The following SGCD variants were observed in gnomAD, a reference collection of about 807,000 sequenced individuals.
The protein encoded by SGCD is sarcoglycan delta, also known as delta-sarcoglycan.
In SGCD, 18 loss-of-function variants were observed where a neutral mutation model predicts 36.6. The ratio of observed to expected loss-of-function variants is 0.49; its 90% CI spans 0.34 to 0.73. SGCD has a LOEUF of 0.73. Ranked by LOEUF, SGCD falls within the 30% of genes least tolerant of loss-of-function variation. The pLI is 0.01. For missense variants in SGCD, 387 were observed against 346.7 expected (o/e 1.12, Z -0.92); for synonymous variants, 133 against 130.6 (o/e 1.02, Z -0.12).
At chr5:155,905,279 A>G (rs186086481) in intron 1 of SGCD, among the ~76,000 whole-genome samples, 8 of 152,316 alleles carry the variant, frequency 5.3e-5, no homozygotes, top group Admixed American at 3.3e-4. Flanking sequence ...AAAAGTCATG[A>G]TAGGGAGAGA....
intron 1 of SGCD, among the ~76,000 whole-genome samples, chr5:155,947,348 GT>G (rs148620197): frequency 0.1 from 13,370 of 129,730 alleles, 2,003 homozygotes; most frequent in African/African-American, 0.34. Flanking sequence ...TAATGTTTTG[GT>G]TTTTTTTTTA....
At chr5:156,508,778 G>T (rs1447030809) in intron 4 of SGCD, 76 bp downstream of exon 4, 19 of 850,690 alleles carry the variant, frequency 2.2e-5, no homozygotes, top group Non-Finnish European at 3.2e-5. Flanking sequence ...CTTGCTATCA[G>T]CTGAGTACAG....
chr5:156,148,119 ATGTG>A (rs1237530965), intron 3 of SGCD, among the ~76,000 whole-genome samples: 7 of 152,214 alleles, frequency 4.6e-5, no homozygotes, highest in Non-Finnish European at 7.3e-5. Context: ...TGAAAAAAGA[ATGTG>A]TGTCTTCCTT....
intron 3 of SGCD, among the ~76,000 whole-genome samples, chr5:156,211,225 GGAGA>G (rs903129506): frequency 2.9e-4 from 44 of 152,100 alleles, no homozygotes; most frequent in African/African-American, 9.6e-4. Context: ...TAGAAATGAA[GGAGA>G]GAGAAAGTCT....
intron 3 of SGCD, among the ~76,000 whole-genome samples, chr5:156,192,025 C>G (rs2127632892): frequency 6.6e-6 from 1 of 152,262 alleles, no homozygotes; most frequent in South Asian, 2.1e-4. Context: ...TGAGAAGAAA[C>G]TTTGGAATGA....
intron 3 of SGCD, among the ~76,000 whole-genome samples, chr5:156,135,497 A>T (rs1242269953): frequency 6.6e-6 from 1 of 152,108 alleles, no homozygotes; most frequent in African/African-American, 2.4e-5. Flanking sequence ...TCCTTCCAAC[A>T]CATCACTCCA....
At chr5:156,126,661 T>C (rs1762179028) in intron 3 of SGCD, among the ~76,000 whole-genome samples, 1 of 152,214 alleles carries the variant, frequency 6.6e-6, no homozygotes, top group Non-Finnish European at 1.5e-5. Context: ...GCTCCTGTGC[T>C]CTGGTGCATG....
intron 1 of SGCD, among the ~76,000 whole-genome samples, chr5:156,083,569 A>G (rs1381427580): frequency 6.7e-6 from 1 of 149,914 alleles, no homozygotes; most frequent in East Asian, 2.0e-4. Context: ...TGCTGGAATT[A>G]CAGGTATGAG....
chr5:156,212,544 AAC>A (rs1184611999), intron 3 of SGCD, among the ~76,000 whole-genome samples: 2 of 152,176 alleles, frequency 1.3e-5, no homozygotes, highest in Non-Finnish European at 2.9e-5. Flanking sequence ...GCAATACAAC[AAC>A]AGTAGAGGAC....
chr5:156,263,658 T>G (rs1765926497), intron 3 of SGCD, among the ~76,000 whole-genome samples: 1 of 152,164 alleles, frequency 6.6e-6, no homozygotes, highest in Non-Finnish European at 1.5e-5. Flanking sequence ...GGTAATGAAG[T>G]CTTTGCCTAA....
At chr5:156,706,886 C>T (rs904222806) in intron 7 of SGCD, among the ~76,000 whole-genome samples, 2 of 152,090 alleles carry the variant, frequency 1.3e-5, no homozygotes, top group African/African-American at 4.8e-5. Flanking sequence ...TTGTTTATAC[C>T]CTAATCCAGC....
the SGCD span, among the ~76,000 whole-genome samples, chr5:155,842,583 A>G: frequency 6.6e-6 from 1 of 152,160 alleles, no homozygotes; most frequent in Admixed American, 6.6e-5. Flanking sequence ...ACGGAAAAAA[A>G]AAAAGTGACT....
the SGCD span, among the ~76,000 whole-genome samples, chr5:155,788,932 C>A: frequency 3.3e-5 from 5 of 152,052 alleles, no homozygotes; most frequent in African/African-American, 1.2e-4. Flanking sequence ...AAATACCTGG[C>A]ATGGTCAAGG....
At chr5:156,140,445 T>C (rs1273656677) in intron 3 of SGCD, among the ~76,000 whole-genome samples, 1 of 152,140 alleles carries the variant, frequency 6.6e-6, no homozygotes. Context: ...AGGTCGTAGA[T>C]GGTCGTGAGG....
intron 7 of SGCD, among the ~76,000 whole-genome samples, chr5:156,654,484 T>A (rs1303477418): frequency 1.3e-5 from 2 of 152,104 alleles, no homozygotes; most frequent in African/African-American, 4.8e-5. Flanking sequence ...GAACCAATGG[T>A]AATTGTTTTT....
chr5:156,468,400 G>T (rs1754807306), intron 3 of SGCD, among the ~76,000 whole-genome samples: 1 of 150,488 alleles, frequency 6.6e-6, no homozygotes, highest in South Asian at 2.1e-4. Flanking sequence ...AGGATTGCAT[G>T]AGATTTTACA....
At chr5:156,241,683 T>C (rs545031123) in intron 3 of SGCD, among the ~76,000 whole-genome samples, 1 of 152,362 alleles carries the variant, frequency 6.6e-6, no homozygotes, top group South Asian at 2.1e-4. Context: ...TTAGGAAATA[T>C]CCAATTTGCT....
chr5:155,993,414 G>A (rs898699694), intron 1 of SGCD, among the ~76,000 whole-genome samples: 8 of 147,064 alleles, frequency 5.4e-5, no homozygotes, highest in South Asian at 2.1e-4. Context: ...GCATGATCTC[G>A]GCTTACTGCA....
chr5:155,977,212 T>C (rs898110137), intron 1 of SGCD, among the ~76,000 whole-genome samples: 78 of 152,266 alleles, frequency 5.1e-4, no homozygotes, highest in African/African-American at 1.9e-3. Context: ...CCTTGCTGAG[T>C]TGTTGATTCC....
Sources: allele counts gnomAD v4.1 joint callset (sites outside exome capture counted in the v4.1 genomes callset), GRCh38; gene constraint gnomAD v4.1.1; transcripts MANE v1.5; gene names NCBI Gene and HGNC (gene_info 2026-07-23, HGNC 2026-07-21).